Variants in YAE1 observed in about 807,000 individuals in gnomAD.
YAE1 encodes YAE1 maturation factor of ABCE1.
A neutral mutation model predicts 23.0 loss-of-function variants in YAE1; 22 were observed. That is an observed-to-expected ratio of 0.96 (90% CI 0.68 to 1.37). YAE1 has a LOEUF of 1.37. Among genes scored for constraint, YAE1 ranks in the 40% most tolerant of loss-of-function variants. The pLI is 0.00. For missense variants in YAE1, 260 were observed against 262.1 expected (o/e 0.99, Z 0.06); for synonymous variants, 101 against 97.0 (o/e 1.04, Z -0.24).
Position 39,570,027 on chromosome 7 carries a change from C to T in YAE1, c.130-479C>T, listed in dbSNP as rs1361630837. 3.7e-6 allele frequency: 5 copies of T among 1,366,398 alleles called. No individual in the cohort carries two copies. The Admixed American group carries it at 8.4e-5, about 23-fold the overall frequency. 84.6% of individuals were successfully genotyped at this position (1,366,398 alleles called of 1,614,324 possible). ...CATTCCGGTTAATGGTTTTGACAAG[C>T]AGGGCACCACGGGGCATAAAATTGT... On this transcript the variant is annotated intron_variant, in intron 1 of 2. Coordinates refer to ENST00000223273, the MANE Select transcript of YAE1 (RefSeq NM_020192.5).
At chr7:39,573,289 A>G (rs984029957), downstream of YAE1, among the ~76,000 whole-genome samples, 1 of 147,594 alleles carries the variant, frequency 6.8e-6, no homozygotes, top group Non-Finnish European at 1.5e-5. Flanking sequence ...AGTTTTATGA[A>G]AAACATAGAA....
rs117496434 is a variant in YAE1 at position 39,569,469 on chromosome 7, G to A, written c.130-1037G>A. ...TTCTTTACTTTTGGCTTCTTCTTCT[G>A]AAACATCTTCTTTATCCGCCTCTTG... is the stretch of plus-strand genomic sequence containing the variant. On this transcript the variant is annotated intron_variant, in intron 1 of 2. Transcript: ENST00000223273. 1.1e-3 allele frequency: 522 copies of A among 495,356 alleles called. 3 individuals are homozygous for A. In the East Asian group the frequency reaches 0.015, roughly 15 times the overall value. 30.7% of individuals were successfully genotyped at this position (495,356 alleles called of 1,614,324 possible).
chr7:39,605,769 T>C (rs1021840768), intron 2 of YAE1, among the ~76,000 whole-genome samples: 4 of 152,200 alleles, frequency 2.6e-5, no homozygotes, highest in African/African-American at 7.2e-5. Context: ...CAGAACCCTA[T>C]GACATGGGCT....
chr7:39,573,896 C>T (rs1055559634), downstream of YAE1, among the ~76,000 whole-genome samples: 12 of 152,138 alleles, frequency 7.9e-5, no homozygotes, highest in Admixed American at 1.3e-4. Flanking sequence ...AAAAGCTCTT[C>T]GATCTCTCCA....
chr7:39,608,538 TCTG>T (rs1712729940), intron 2 of YAE1, among the ~76,000 whole-genome samples: 1 of 152,172 alleles, frequency 6.6e-6, no homozygotes, highest in South Asian at 2.1e-4. Flanking sequence ...TCTCAGGAGA[TCTG>T]CTCTCTTGAC....
At chr7:39,568,863 C>T (rs1790517447) in intron 1 of YAE1, among the ~76,000 whole-genome samples, 1 of 152,090 alleles carries the variant, frequency 6.6e-6, no homozygotes, top group South Asian at 2.1e-4. Flanking sequence ...TTATTAGTTG[C>T]ATAACTTAAA....
At chr7:39,566,839 G>A in intron 1 of YAE1, 1 of 320,904 alleles carries the variant, frequency 3.1e-6, no homozygotes. Context: ...CACAGGGAAA[G>A]GAGCTGGAGA....
chr7:39,569,839 T>C, intron 1 of YAE1: 1 of 826,680 alleles, frequency 1.2e-6, no homozygotes, highest in Non-Finnish European at 2.1e-6. Flanking sequence ...ATGAAGTCCT[T>C]CTGAGTCCTT....
chr7:39,607,761 C>T (rs1323350060), intron 2 of YAE1, among the ~76,000 whole-genome samples: 1 of 152,164 alleles, frequency 6.6e-6, no homozygotes, highest in African/African-American at 2.4e-5. Context: ...CTCTGCCTCC[C>T]GGGTTCAAGC....
At chr7:39,599,099 G>A (rs920301838) in intron 2 of YAE1, among the ~76,000 whole-genome samples, 12 of 151,964 alleles carry the variant, frequency 7.9e-5, no homozygotes, top group African/African-American at 2.9e-4. Flanking sequence ...AACTGGCGAG[G>A]CGAGGTGGTG....
downstream of YAE1, chr7:39,610,425 C>A: frequency 2.2e-6 from 1 of 450,450 alleles, no homozygotes; most frequent in South Asian, 1.6e-5. Flanking sequence ...TTTTATACGA[C>A]TTGAAAGACC....
intron 2 of YAE1, among the ~76,000 whole-genome samples, chr7:39,605,299 G>T (rs2329462): frequency 0.73 from 110,702 of 152,018 alleles, 41,990 homozygotes; most frequent in East Asian, 0.89. Flanking sequence ...GAGCCATAAA[G>T]TGCCCAAATA....
intron 2 of YAE1, among the ~76,000 whole-genome samples, chr7:39,605,972 GTTC>G (rs1791124651): frequency 6.6e-6 from 1 of 151,416 alleles, no homozygotes; most frequent in South Asian, 2.1e-4. Context: ...GAAACACAGA[GTTC>G]TTTTTACTAG....
downstream of YAE1, among the ~76,000 whole-genome samples, chr7:39,576,785 C>G (rs1375843962): frequency 6.6e-6 from 1 of 151,658 alleles, no homozygotes; most frequent in Non-Finnish European, 1.5e-5. Flanking sequence ...ATAGGTGGTG[C>G]TTGATGAGAG....
chr7:39,611,511 T>C (rs1340074061), downstream of YAE1, among the ~76,000 whole-genome samples: 1 of 152,198 alleles, frequency 6.6e-6, no homozygotes, highest in Non-Finnish European at 1.5e-5. Context: ...CACTTTACCT[T>C]TGTATCAGTT....
At chr7:39,577,731 C>G (rs2115790805), downstream of YAE1, among the ~76,000 whole-genome samples, 1 of 152,356 alleles carries the variant, frequency 6.6e-6, no homozygotes, top group South Asian at 2.1e-4. Flanking sequence ...CGAGCACCAC[C>G]CCCTGCTCTG....
chr7:39,602,451 G>A (rs6958662), intron 2 of YAE1, among the ~76,000 whole-genome samples: 102,485 of 152,112 alleles, frequency 0.67, 35,670 homozygotes, highest in East Asian at 0.77. Context: ...ATGGATTTCC[G>A]TGTTGTAGAA....
chr7:39,595,208 A>G (rs772543242), intron 2 of YAE1, among the ~76,000 whole-genome samples: 3 of 152,076 alleles, frequency 2.0e-5, no homozygotes, highest in Admixed American at 6.6e-5. Context: ...ATAAGTGAGT[A>G]GAAACATTAT....
intron 2 of YAE1, among the ~76,000 whole-genome samples, chr7:39,602,774 A>T (rs1420852710): frequency 2.6e-5 from 4 of 151,860 alleles, no homozygotes; most frequent in Admixed American, 2.6e-4. Context: ...TTTGAGACAG[A>T]GTCTCACTGT....
Sources: allele counts gnomAD v4.1 joint callset (sites outside exome capture counted in the v4.1 genomes callset), GRCh38; gene constraint gnomAD v4.1.1; transcripts MANE v1.5; gene names NCBI Gene and HGNC (gene_info 2026-07-23, HGNC 2026-07-21).